AGTPBP1: variants seen among roughly 807,000 people sequenced by gnomAD.
AGTPBP1 encodes ATP/GTP binding carboxypeptidase 1.
AGTPBP1 carries 70 observed loss-of-function variants against 143.9 expected under a neutral mutation model. The observed-to-expected ratio is 0.49, with a 90% CI of 0.40 to 0.59. AGTPBP1 has a LOEUF of 0.59. AGTPBP1 is among the 20% of genes least tolerant of loss of function. The pLI, the probability that AGTPBP1 is intolerant of heterozygous loss-of-function variation, is 0.00. For missense variants in AGTPBP1, 1,229 were observed against 1,464.5 expected (o/e 0.84, Z 2.62); for synonymous variants, 463 against 500.2 (o/e 0.93, Z 0.99).
chr9:85,773,197 G>A, the AGTPBP1 span, among the ~76,000 whole-genome samples: 86 of 146,376 alleles, frequency 5.9e-4, no homozygotes, highest in African/African-American at 1.9e-3. Flanking sequence ...CCTGGGAGGC[G>A]GAGCTTGCAG....
intron 3 of AGTPBP1, among the ~76,000 whole-genome samples, chr9:85,685,911 A>C (rs536164274): frequency 2.0e-5 from 3 of 152,224 alleles, no homozygotes; most frequent in African/African-American, 7.2e-5. Context: ...GTGAAAAGTT[A>C]ATGACATTTA....
At chr9:85,777,973 G>A in the AGTPBP1 span, among the ~76,000 whole-genome samples, 4 of 152,186 alleles carry the variant, frequency 2.6e-5, no homozygotes, top group Non-Finnish European at 5.9e-5. Flanking sequence ...CCTGCATATC[G>A]TGGAGAACCG....
the AGTPBP1 span, among the ~76,000 whole-genome samples, chr9:85,768,693 T>A: frequency 6.6e-6 from 1 of 152,142 alleles, no homozygotes; most frequent in Admixed American, 6.5e-5. Flanking sequence ...TCCATATGGT[T>A]AGTGATTGCA....
intron 1 of AGTPBP1, among the ~76,000 whole-genome samples, chr9:85,727,034 G>C (rs752186345): frequency 6.6e-6 from 1 of 152,254 alleles, no homozygotes; most frequent in East Asian, 1.9e-4. Flanking sequence ...GAAATCCAAA[G>C]TGCTCCAAAA....
At chr9:85,723,998 A>C (rs888210945) in intron 1 of AGTPBP1, among the ~76,000 whole-genome samples, 3 of 152,134 alleles carry the variant, frequency 2.0e-5, no homozygotes, top group Admixed American at 6.5e-5. Flanking sequence ...GTTAGAAATA[A>C]ACATCTGGCC....
chr9:85,789,083 A>G, the AGTPBP1 span, among the ~76,000 whole-genome samples: 2 of 150,640 alleles, frequency 1.3e-5, no homozygotes, highest in African/African-American at 5.0e-5. Context: ...CAAAACAACG[A>G]TTAGGTTTGA....
chr9:85,672,543 T>C lies in AGTPBP1; in HGVS notation c.568+7A>G, dbSNP rs373915291. On this transcript the variant is annotated splice_region_variant and intron_variant, in intron 7 of 25. Transcript: ENST00000357081. The stretch of plus-strand genomic sequence containing the variant: ...CTGAGTTAACTAAAAGCCACCTAAA[T>C]ACTCACAGTTGGCAGAATATACTCG... The C allele has an allele frequency of 7.1e-5, 114 of 1,606,202 alleles. No individual in the cohort carries two copies. The highest frequency in any genetic ancestry group is 3.5e-5 in the Admixed American group (2 of 57,416).
At chr9:85,587,373 GCTT>G (rs1373597219) in intron 21 of AGTPBP1, among the ~76,000 whole-genome samples, 1 of 152,018 alleles carries the variant, frequency 6.6e-6, no homozygotes, top group Non-Finnish European at 1.5e-5. Context: ...CTATCTAGGT[GCTT>G]CTTCTGAGAA....
chr9:85,645,885 C>T (rs1832779918), intron 12 of AGTPBP1, among the ~76,000 whole-genome samples: 1 of 152,092 alleles, frequency 6.6e-6, no homozygotes, highest in African/African-American at 2.4e-5. Flanking sequence ...CTTCCTTGTT[C>T]AATTAACTGA....
chr9:85,617,018 C>T (rs1395928230), intron 17 of AGTPBP1, among the ~76,000 whole-genome samples: 1 of 151,958 alleles, frequency 6.6e-6, no homozygotes, highest in Non-Finnish European at 1.5e-5. Flanking sequence ...ATTATGCTAC[C>T]TAGTCATCCC....
At chr9:85,751,651 G>A in the AGTPBP1 span, among the ~76,000 whole-genome samples, 1 of 152,092 alleles carries the variant, frequency 6.6e-6, no homozygotes, top group Non-Finnish European at 1.5e-5. Flanking sequence ...GTCTCACTCT[G>A]TCACCTAGGC....
chr9:85,708,012 T>C (rs62570569), intron 2 of AGTPBP1, among the ~76,000 whole-genome samples: 1 of 152,136 alleles, frequency 6.6e-6, no homozygotes, highest in African/African-American at 2.4e-5. Context: ...TGTATACTTA[T>C]GTAACAAAAC....
intron 11 of AGTPBP1, among the ~76,000 whole-genome samples, chr9:85,650,746 T>C (rs771985306): frequency 4.6e-5 from 7 of 152,212 alleles, no homozygotes; most frequent in Non-Finnish European, 1.0e-4. Context: ...TTGCCAAGAA[T>C]GTAGAGGTAT....
the AGTPBP1 span, among the ~76,000 whole-genome samples, chr9:85,753,609 A>G: frequency 1.8e-4 from 27 of 151,862 alleles, no homozygotes; most frequent in East Asian, 4.9e-3. Flanking sequence ...AAAATTAGCC[A>G]GTCTTGGTGG....
At chr9:85,692,272 A>ATTTTTT (rs1255296569) in intron 3 of AGTPBP1, among the ~76,000 whole-genome samples, 1 of 135,824 alleles carries the variant, frequency 7.4e-6, no homozygotes, top group Non-Finnish European at 1.6e-5. Context: ...AGAAAGTTTG[A>ATTTTTT]TTTTTTTTTT....
At chr9:85,638,528 G>T (rs1178037997) in intron 13 of AGTPBP1, among the ~76,000 whole-genome samples, 1 of 151,956 alleles carries the variant, frequency 6.6e-6, no homozygotes, top group Non-Finnish European at 1.5e-5. Flanking sequence ...ATATGTAAAT[G>T]ATCTAAATGC....
intron 17 of AGTPBP1, among the ~76,000 whole-genome samples, chr9:85,602,149 G>A (rs1057276727): frequency 4.0e-5 from 6 of 151,896 alleles, no homozygotes; most frequent in African/African-American, 7.3e-5. Flanking sequence ...AGATTCCAAC[G>A]AGAAAGAAAT....
chr9:85,682,876 A>G (rs1835274074), intron 3 of AGTPBP1, among the ~76,000 whole-genome samples: 2 of 152,250 alleles, frequency 1.3e-5, no homozygotes, highest in Non-Finnish European at 2.9e-5. Flanking sequence ...ACTCTAAATT[A>G]GGAGTAAACA....
At position 85,588,498 on chromosome 9, in the gene AGTPBP1, T is replaced by C. The variant is rs1048810868; in HGVS notation, c.2723-20A>G. The C allele has an allele frequency of 6.2e-7, 1 of 1,602,258 alleles. No individual in the cohort carries two copies. Among genetic ancestry groups the C allele is most frequent in the African/African-American group, 1.4e-5 (1 of 73,932 alleles). ...GATTTCCTAAAGTACACATAAAATC[T>C]CAAATTAAAATGAACAGCTACTAAA... On this transcript the variant is annotated intron_variant, in intron 20 of 25. Transcript: ENST00000357081.
Sources: allele counts gnomAD v4.1 joint callset (sites outside exome capture counted in the v4.1 genomes callset), GRCh38; gene constraint gnomAD v4.1.1; transcripts MANE v1.5; gene names NCBI Gene and HGNC (gene_info 2026-07-23, HGNC 2026-07-21).